PLEKHG4B: variants seen among roughly 807,000 people sequenced by gnomAD.
The protein encoded by PLEKHG4B is pleckstrin homology domain-containing family G member 4B.
In PLEKHG4B, 111 loss-of-function variants were observed where a neutral mutation model predicts 121.3. The observed-to-expected ratio is 0.92, with a 90% CI of 0.78 to 1.07. The LOEUF (loss-of-function observed/expected upper bound fraction) is 1.07, where lower values mean the gene tolerates loss of function less well. Among genes scored for constraint, PLEKHG4B ranks in the 50% least tolerant of loss-of-function variants. The pLI, the probability that PLEKHG4B is intolerant of heterozygous loss-of-function variation, is 0.00. For missense variants in PLEKHG4B, 1,831 were observed against 1,757.8 expected (o/e 1.04, Z -0.74); for synonymous variants, 738 against 725.0 (o/e 1.02, Z -0.29).
chr5:140,941 A>C (rs1002639936), intron 3 of PLEKHG4B, among the ~76,000 whole-genome samples: 1 of 5,866 alleles, frequency 1.7e-4, no homozygotes, highest in Non-Finnish European at 3.3e-4. Context: ...TCCCCTGCAC[A>C]CCCCACAACC....
intron 18 of PLEKHG4B, among the ~76,000 whole-genome samples, chr5:174,938 C>G (rs56161250): frequency 0.086 from 13,077 of 152,076 alleles, 666 homozygotes; most frequent in African/African-American, 0.091. Flanking sequence ...CCAGTAGCCG[C>G]ACTGTCCATT....
intron 6 of PLEKHG4B, among the ~76,000 whole-genome samples, chr5:146,455 C>G (rs1368026956): frequency 6.8e-6 from 1 of 146,490 alleles, no homozygotes; most frequent in Non-Finnish European, 1.5e-5. Context: ...GCAGCCATCT[C>G]TCCTCTTCAC....
At chr5:126,239 T>C (rs190972919) in intron 2 of PLEKHG4B, among the ~76,000 whole-genome samples, 40 of 152,372 alleles carry the variant, frequency 2.6e-4, no homozygotes, top group Non-Finnish European at 8.8e-5. Context: ...GGCTGCTCGA[T>C]GGTATCCCAC....
chr5:127,086 G>A (rs910592014), intron 2 of PLEKHG4B, among the ~76,000 whole-genome samples: 4 of 152,170 alleles, frequency 2.6e-5, no homozygotes, highest in Non-Finnish European at 5.9e-5. Flanking sequence ...GGAAGACGGA[G>A]CTGCCATTTT....
At position 188,853 on chromosome 5, in the gene PLEKHG4B, G is replaced by GT. The variant is rs1733707622; in HGVS notation, c.*6531dup. ...TCCATCCGGCCTGGCCCCACCGTGT[G>GT]TATCAGGTGTCAGAGGCCTTGCTGG... On this transcript the variant is annotated 3_prime_UTR_variant, in exon 20 of 20. Transcript: ENST00000637938. 6.6e-6 allele frequency: 1 copy of GT among 152,268 alleles called. No individual in the cohort carries two copies. Among genetic ancestry groups the GT allele is most frequent in the Non-Finnish European group, 1.5e-5 (1 of 68,058 alleles). The allele number at this position is 152,268 out of a possible 1,614,324, so 9.4% of individuals were successfully genotyped here.
At chr5:162,032 T>C in intron 12 of PLEKHG4B, 88 bp downstream of exon 12, 7 of 1,455,294 alleles carry the variant, frequency 4.8e-6, no homozygotes, top group Non-Finnish European at 6.4e-6. Flanking sequence ...CAAGCTGGAG[T>C]GGGCCAGGCT....
chr5:140,856 ACCCCCACCCTCTCCCCTGCACAC>A, intron 3 of PLEKHG4B, 140 bp downstream of exon 3: 1 of 313,854 alleles, frequency 3.2e-6, no homozygotes, highest in African/African-American at 7.4e-5. Flanking sequence ...TCCCCTGCAC[ACCCCCACCCTCTCCCCTGCACAC>A]CCCCACCCCT....
chr5:121,269 G>A (rs962583462), intron 2 of PLEKHG4B, among the ~76,000 whole-genome samples: 3 of 151,698 alleles, frequency 2.0e-5, no homozygotes, highest in African/African-American at 7.3e-5. Context: ...AAAAGAAAAT[G>A]GAAATCTCCA....
At chr5:164,899 G>C (rs566497868) in intron 13 of PLEKHG4B, among the ~76,000 whole-genome samples, 27 of 22,780 alleles carry the variant, frequency 1.2e-3, no homozygotes, top group African/African-American at 2.2e-3. Context: ...AGCTCACACA[G>C]TAATGCTGTG....
intron 16 of PLEKHG4B, among the ~76,000 whole-genome samples, chr5:172,154 C>T (rs777177138): frequency 2.6e-5 from 4 of 152,114 alleles, no homozygotes; most frequent in East Asian, 1.9e-4. Context: ...CCAACACCGA[C>T]GGAATCGGGG....
At chr5:145,741 C>T (rs1246460968) in intron 6 of PLEKHG4B, among the ~76,000 whole-genome samples, 1 of 152,022 alleles carries the variant, frequency 6.6e-6, no homozygotes, top group Non-Finnish European at 1.5e-5. Context: ...TGAGCAGGGG[C>T]AGATGGAAGC....
At chr5:143,528 C>T in intron 5 of PLEKHG4B, 25 bp downstream of exon 5, 1 of 1,608,748 alleles carries the variant, frequency 6.2e-7, no homozygotes. Context: ...AAGGCCGCAC[C>T]CTGCAGACCC....
chr5:180,642 G>T (rs540168894), intron 18 of PLEKHG4B, among the ~76,000 whole-genome samples: 2 of 152,358 alleles, frequency 1.3e-5, no homozygotes, highest in South Asian at 4.1e-4. Context: ...CGTGGGCTTG[G>T]ATGTAAGGTA....
chr5:142,943 C>A (rs754270507), intron 3 of PLEKHG4B, 104 bp from the exon 4 acceptor site: 2 of 1,100,734 alleles, frequency 1.8e-6, no homozygotes, highest in Non-Finnish European at 2.7e-6. Context: ...CCCCTACTTT[C>A]ATGCGTGTTT....
At chr5:146,901 A>G (rs1048190950) in intron 6 of PLEKHG4B, among the ~76,000 whole-genome samples, 6 of 151,352 alleles carry the variant, frequency 4.0e-5, no homozygotes, top group Non-Finnish European at 7.4e-5. Flanking sequence ...TTACTTTCGC[A>G]GTACGTGGCT....
At chr5:150,109 C>G (rs1038994559) in intron 6 of PLEKHG4B, among the ~76,000 whole-genome samples, 2 of 152,188 alleles carry the variant, frequency 1.3e-5, no homozygotes, top group Non-Finnish European at 1.5e-5. Context: ...ACAGAAGCAA[C>G]CTTAGTGCCC....
At position 161,872 on chromosome 5, in the gene PLEKHG4B, C is replaced by G. The variant is rs148902682; in HGVS notation, c.2577C>G (p.Ala859=). The change falls in exon 12 of 20, where the codon GCC becomes GCG. Residue 859 remains alanine (A), a synonymous_variant. Transcript: ENST00000637938. ...AGGATTTCAGAAGGGGCCTGAGCGC[C>G]GTGGTCAGCCAGGCTGAGTGCAGGG... ...MVQDFRRGLS[A]VVSQAECREG... 2.4e-5 allele frequency: 38 copies of G among 1,613,622 alleles called. No homozygotes were observed. The Admixed American group carries it at 6.3e-4, about 27-fold the overall frequency.
chr5:102,293 ATTG>A (rs929503413), intron 1 of PLEKHG4B, among the ~76,000 whole-genome samples: 1 of 152,120 alleles, frequency 6.6e-6, no homozygotes, highest in South Asian at 2.1e-4. Context: ...TCATTTTATT[ATTG>A]TTATGAGTAT....
intron 8 of PLEKHG4B, 31 bp downstream of exon 8, chr5:155,022 G>C (rs11745772): frequency 1.9e-6 from 3 of 1,543,332 alleles, no homozygotes; most frequent in Non-Finnish European, 2.7e-6. Flanking sequence ...CTGCACATGC[G>C]ACAGTCTCTG....
Sources: gnomAD v4.1 joint callset for allele counts (sites outside exome capture counted in the v4.1 genomes callset) on GRCh38, gnomAD v4.1.1 for gene constraint, MANE v1.5 for transcripts, NCBI Gene and HGNC (gene_info 2026-07-23, HGNC 2026-07-21) for gene names.